The following MAMLD1 variants were observed in gnomAD, a reference collection of about 807,000 sequenced individuals.
MAMLD1 encodes mastermind-like domain-containing protein 1.
MAMLD1 carries 14 observed loss-of-function variants against 45.0 expected under a neutral mutation model. That is an observed-to-expected ratio of 0.31 (90% confidence interval 0.21 to 0.49). MAMLD1 has a LOEUF of 0.49. Among genes scored for constraint, MAMLD1 ranks in the 20% least tolerant of loss-of-function variants. MAMLD1 has a pLI of 0.99. For synonymous variants in MAMLD1, 254 were observed against 247.8 expected (o/e 1.02, Z -0.24); for missense variants, 543 against 603.6 (o/e 0.90, Z 1.05).
At chrX:150,477,667 C>T (rs186713963) in intron 5 of MAMLD1, among the ~76,000 whole-genome samples, 53 of 111,590 alleles carry the variant, frequency 4.7e-4, no homozygotes, top group African/African-American at 1.2e-3. Context: ...CCTCTAAGCA[C>T]GGCCAGCTGA....
In MAMLD1 at chrX:150,402,953, G is replaced by A. The variant is rs947205932; in HGVS notation, c.-64+39423G>A. 5.4e-4 allele frequency among the ~76,000 whole-genome samples: 60 copies of A among 110,589 alleles called. 2 individuals carry two copies. The highest frequency in any genetic ancestry group is 1.6e-3 in the African/African-American group (48 of 30,305). ...GGGGGGAGGAAGGAGGGATGGCATT[G>A]GGAGATATACCTAATGCTAGATGAC... On this transcript the variant is annotated intron_variant, in intron 1 of 7. Coordinates refer to ENST00000370401, the MANE Select transcript of MAMLD1 (RefSeq NM_005491.5).
intron 3 of MAMLD1, among the ~76,000 whole-genome samples, chrX:150,468,426 G>A (rs1365041587): frequency 9.0e-6 from 1 of 111,307 alleles, no homozygotes; most frequent in African/African-American, 3.3e-5. Context: ...GGGGTTATTT[G>A]GGGGGTACCG....
chrX:150,375,418 C>G (rs782737978), intron 1 of MAMLD1, among the ~76,000 whole-genome samples: 1 of 112,480 alleles, frequency 8.9e-6, no homozygotes, highest in Non-Finnish European at 1.9e-5. Flanking sequence ...CCTTTGAACC[C>G]TCAGAGGGAG....
chrX:150,430,125 G>A (rs1394035061), intron 1 of MAMLD1, among the ~76,000 whole-genome samples: 3 of 96,752 alleles, frequency 3.1e-5, no homozygotes, highest in African/African-American at 7.7e-5. Flanking sequence ...GGGTTCAAGC[G>A]ATTCTCCTGC....
At chrX:150,362,423 C>T (rs1250260143), upstream of MAMLD1, among the ~76,000 whole-genome samples, 2 of 109,808 alleles carry the variant, frequency 1.8e-5, no homozygotes, top group African/African-American at 6.7e-5. Context: ...CTCCTCCTCT[C>T]CTTATTTCCT....
At chrX:150,400,385 C>A (rs1557402384) in intron 1 of MAMLD1, among the ~76,000 whole-genome samples, 1 of 112,083 alleles carries the variant, frequency 8.9e-6, no homozygotes, top group Non-Finnish European at 1.9e-5. Flanking sequence ...TCTAGATATA[C>A]AATCATATCG....
intron 3 of MAMLD1, among the ~76,000 whole-genome samples, chrX:150,466,009 T>C (rs2036208409): frequency 8.9e-6 from 1 of 112,384 alleles, no homozygotes; most frequent in African/African-American, 3.2e-5. Context: ...ACACCCAGTC[T>C]GGGCAGGCAA....
intron 5 of MAMLD1, among the ~76,000 whole-genome samples, chrX:150,487,392 T>C (rs1260946227): frequency 8.9e-6 from 1 of 112,246 alleles, no homozygotes; most frequent in African/African-American, 3.2e-5. Context: ...GGAAAGTAAA[T>C]TTTCTGGAAT....
At position 150,394,129 on chromosome X, in the gene MAMLD1, C is replaced by CTTTTTTTT. The variant is rs781904160; in HGVS notation, c.-64+30617_-64+30624dup. Among the ~76,000 whole-genome samples the CTTTTTTTT allele has an allele frequency of 1.5e-3, 19 of 12,261 alleles. 2 individuals carry two copies. Among genetic ancestry groups the CTTTTTTTT allele is most frequent in the African/African-American group, 2.2e-3 (6 of 2,775 alleles). The allele number at this position is 12,261 out of a possible 115,157, so 10.6% of individuals were successfully genotyped here. A position where few individuals can be genotyped will look rare whatever the true frequency, so the allele number is the denominator to read the frequency against. ...GGGGTGTAAGGTCTATATCTACATC[C>CTTTTTTTT]TTTTTTTTTTTTTTTTTTTTTTTTT... is the stretch of plus-strand genomic sequence containing the variant. On this transcript the variant is annotated intron_variant, in intron 1 of 7. Transcript: ENST00000370401.
At chrX:150,364,348 G>T (rs1245199687) in intron 1 of MAMLD1, among the ~76,000 whole-genome samples, 3 of 113,208 alleles carry the variant, frequency 2.6e-5, no homozygotes, top group African/African-American at 9.6e-5. Context: ...TGGAGATGTC[G>T]TCTGATTCTG....
intron 1 of MAMLD1, among the ~76,000 whole-genome samples, chrX:150,442,132 A>G (rs1297183357): frequency 5.5e-5 from 6 of 108,145 alleles, no homozygotes; most frequent in Non-Finnish European, 1.2e-4. Flanking sequence ...TAATATTTGC[A>G]TGGTGTATCT....
At chrX:150,414,040 A>AAAAAAAAAAAAAAAAAAAAAAC (rs2034191923) in intron 1 of MAMLD1, among the ~76,000 whole-genome samples, 1 of 105,157 alleles carries the variant, frequency 9.5e-6, no homozygotes. Context: ...AAAAAAAAAA[A>AAAAAAAAAAAAAAAAAAAAAAC]AAAAAAAAGA....
At chrX:150,365,408 A>G (rs1429791196) in intron 1 of MAMLD1, among the ~76,000 whole-genome samples, 3 of 112,612 alleles carry the variant, frequency 2.7e-5, no homozygotes, top group Admixed American at 1.8e-4. Context: ...GGGACGGCCG[A>G]GTGGACTGCA....
chrX:150,390,850 T>G (rs933792787), intron 1 of MAMLD1, among the ~76,000 whole-genome samples: 21 of 112,506 alleles, frequency 1.9e-4, no homozygotes, highest in African/African-American at 5.8e-4. Flanking sequence ...AAGGGTGGGA[T>G]TCTTAGCAAC....
chrX:150,471,257 A>G lies in MAMLD1; in HGVS notation c.1684A>G (p.Thr562Ala), dbSNP rs782313350. The G allele has an allele frequency of 1.3e-5, 16 of 1,209,267 alleles. No homozygotes were observed. In the South Asian group the frequency reaches 2.8e-4, roughly 21 times the overall value. Residue 562 changes from threonine (T) to alanine (A), a missense_variant, in exon 4 of 8, where the codon ACC (threonine) becomes GCC (alanine). Coordinates refer to ENST00000370401, the MANE Select transcript of MAMLD1 (RefSeq NM_005491.5). The stretch of plus-strand genomic sequence containing the variant: ...TCCCCAGAAGATGCCCTCCATGCCT[A>G]CCACCTCTAGGCAGCCTTCCCTGCT... ...PGPQKMPSMP[T>A]TSRQPSLLHY...
chrX:150,471,027 C>G lies in MAMLD1; in HGVS notation c.1454C>G (p.Pro485Arg), dbSNP rs1268973650. 1 of 1,211,989 alleles carries G rather than the reference C, an allele frequency of 8.3e-7. No homozygotes were observed. ...PQCSLIRSLTPTSNLLSQQQQ... is the reference protein window; with the variant it reads ...PQCSLIRSLTRTSNLLSQQQQ... ...TGTTCCCTGATCCGAAGCCTCACTCCCACCAGTAATCTTCTAAGCCAGCAA... is the reference window on the plus strand; with the variant it reads ...TGTTCCCTGATCCGAAGCCTCACTCGCACCAGTAATCTTCTAAGCCAGCAA... The change falls in exon 4 of 8, where the codon CCC becomes CGC. Residue 485 changes from proline to arginine, a missense_variant. Pro to Arg is a moderately radical substitution (Grantham distance 103). Transcript: ENST00000370401.
intron 6 of MAMLD1, chrX:150,509,671 T>C (rs1370464010): frequency 2.9e-5 from 10 of 345,790 alleles, no homozygotes; most frequent in Non-Finnish European, 3.6e-5. Context: ...CAGATGGACA[T>C]CCAAAATGCC....
intron 6 of MAMLD1, among the ~76,000 whole-genome samples, chrX:150,506,020 T>G (rs2037715880): frequency 8.9e-6 from 1 of 112,571 alleles, no homozygotes; most frequent in Non-Finnish European, 1.9e-5. Flanking sequence ...CAGTATACTA[T>G]CTTCCTGTCA....
intron 1 of MAMLD1, among the ~76,000 whole-genome samples, chrX:150,377,504 AAAC>A (rs2032380346): frequency 9.0e-6 from 1 of 111,501 alleles, no homozygotes; most frequent in Admixed American, 9.5e-5. Context: ...AAATTTATGA[AAAC>A]AACAGTTACC....
Sources: gnomAD v4.1 joint callset for allele counts (sites outside exome capture counted in the v4.1 genomes callset) on GRCh38, gnomAD v4.1.1 for gene constraint, MANE v1.5 for transcripts, NCBI Gene and HGNC (gene_info 2026-07-23, HGNC 2026-07-21) for gene names.